SUN3: variants seen among roughly 807,000 people sequenced by gnomAD.
SUN3 encodes SUN domain-containing protein 3.
Under a neutral mutation model 48.2 loss-of-function variants are expected in SUN3, and 36 were observed. The observed-to-expected ratio is 0.75, with a 90% CI of 0.57 to 0.99. SUN3 has a LOEUF of 0.99. SUN3 is among the 50% of genes least tolerant of loss of function. The pLI, the probability that SUN3 is intolerant of heterozygous loss-of-function variation, is 0.00. For synonymous variants in SUN3, 148 were observed against 147.9 expected, an observed-to-expected ratio of 1.00 and a Z score of 0.00; for missense variants, 419 against 433.1, an observed-to-expected ratio of 0.97 and a Z score of 0.29.
At chr7:48,015,223 A>G (rs774637009) in intron 3 of SUN3, among the ~76,000 whole-genome samples, 1 of 152,120 alleles carries the variant, frequency 6.6e-6, no homozygotes, top group Non-Finnish European at 1.5e-5. Context: ...TTCAGCTCCC[A>G]TGGGCTTGGT....
At chr7:47,994,214 C>T (rs900113310) in intron 8 of SUN3, 101 bp downstream of exon 8, 44 of 1,068,684 alleles carry the variant, frequency 4.1e-5, no homozygotes, top group Non-Finnish European at 5.5e-5. Flanking sequence ...AAATAAGTGA[C>T]ACAACTAGTT....
At chr7:48,032,101 T>C (rs938192724), upstream of SUN3, among the ~76,000 whole-genome samples, 1 of 152,152 alleles carries the variant, frequency 6.6e-6, no homozygotes, top group African/African-American at 2.4e-5. Context: ...CAGTGGCTGA[T>C]GGGCAGAGGG....
At chr7:47,990,543 C>T (rs1789027938) in intron 8 of SUN3, among the ~76,000 whole-genome samples, 1 of 150,636 alleles carries the variant, frequency 6.6e-6, no homozygotes, top group African/African-American at 2.5e-5. Context: ...ACTCTTCTTT[C>T]TCTATACTTT....
chr7:48,006,866 T>C (rs907235084), intron 5 of SUN3, among the ~76,000 whole-genome samples: 2 of 152,244 alleles, frequency 1.3e-5, no homozygotes, highest in Non-Finnish European at 2.9e-5. Context: ...TTTAAGGTAT[T>C]TGTGTATAGA....
chr7:48,034,604 T>G, the SUN3 span, among the ~76,000 whole-genome samples: 1 of 152,194 alleles, frequency 6.6e-6, no homozygotes. Context: ...TTGCCAGGGT[T>G]GTATAGGGCT....
At position 48,028,764 on chromosome 7, in the gene SUN3, G is replaced by A. The variant is rs1002145298; in HGVS notation, c.122+53C>T. ...AGATGAACAGACACAAGTGACAGAT[G>A]TAACACATAAAACCTACAATTTCAG... On this transcript the variant is annotated intron_variant, in intron 1 of 9. Coordinates refer to ENST00000297325, the MANE Select transcript of SUN3 (RefSeq NM_001030019.2). 2.1e-5 allele frequency: 33 copies of A among 1,597,622 alleles called. No homozygotes were observed. The South Asian group carries it at 2.6e-4, about 12-fold the overall frequency.
chr7:47,990,242 A>ATC (rs1789016597), intron 8 of SUN3, among the ~76,000 whole-genome samples: 5 of 152,224 alleles, frequency 3.3e-5, no homozygotes, highest in Admixed American at 2.6e-4. Flanking sequence ...GATAGGAGAA[A>ATC]ACCGCCTTAG....
chr7:48,018,960 A>G (rs1381246180), intron 2 of SUN3, among the ~76,000 whole-genome samples: 2 of 152,206 alleles, frequency 1.3e-5, no homozygotes, highest in Non-Finnish European at 2.9e-5. Flanking sequence ...TGTATGGATA[A>G]AATGAGAATA....
intron 7 of SUN3, among the ~76,000 whole-genome samples, chr7:47,994,894 G>T (rs1354364327): frequency 1.3e-5 from 2 of 152,076 alleles, no homozygotes; most frequent in Non-Finnish European, 2.9e-5. Flanking sequence ...TGGTGGTCAT[G>T]GCAATGGTAT....
At chr7:48,034,862 T>C in the SUN3 span, among the ~76,000 whole-genome samples, 1 of 152,330 alleles carries the variant, frequency 6.6e-6, no homozygotes, top group East Asian at 1.9e-4. Context: ...TCTCTCAACT[T>C]ATAAAACAGA....
intron 3 of SUN3, among the ~76,000 whole-genome samples, chr7:48,016,611 G>A (rs896683420): frequency 3.3e-5 from 5 of 152,186 alleles, no homozygotes; most frequent in African/African-American, 1.2e-4. Flanking sequence ...AAAGGGAAGT[G>A]CCATACTCCT....
chr7:48,017,855 T>C (rs1234903334), intron 2 of SUN3, among the ~76,000 whole-genome samples: 1 of 152,206 alleles, frequency 6.6e-6, no homozygotes, highest in Non-Finnish European at 1.5e-5. Context: ...TCCACGCCTA[T>C]AGCTTTCTAG....
At chr7:48,026,062 A>G in intron 1 of SUN3, 124 bp from the exon 2 acceptor site, 1 of 656,752 alleles carries the variant, frequency 1.5e-6, no homozygotes, top group Non-Finnish European at 2.7e-6. Flanking sequence ...ATCTAGGTTG[A>G]GTCTATGAAT....
chr7:48,001,410 C>G (rs112372637), intron 6 of SUN3, among the ~76,000 whole-genome samples: 2,746 of 152,062 alleles, frequency 0.018, 84 homozygotes, highest in African/African-American at 0.063. Context: ...CTGCAAAGGA[C>G]ATGATCTTGT....
intron 2 of SUN3, 88 bp downstream of exon 2, chr7:48,025,789 A>T (rs990913049): frequency 4.2e-5 from 36 of 859,842 alleles, no homozygotes; most frequent in Non-Finnish European, 6.5e-5. Context: ...ATTTATTTAC[A>T]AATATGAGTC....
chr7:48,000,589 C>T (rs1164451815), intron 6 of SUN3, among the ~76,000 whole-genome samples: 2 of 152,168 alleles, frequency 1.3e-5, no homozygotes, highest in Non-Finnish European at 2.9e-5. Context: ...ATCTAAATGT[C>T]TTCATTTTGC....
At chr7:48,035,691 CTG>C in the SUN3 span, 2 of 598,474 alleles carry the variant, frequency 3.3e-6, no homozygotes, top group Non-Finnish European at 6.0e-6. This position sits in a 1 kb window ranked among gnomAD's most constrained non-coding sequence, Gnocchi z 4.0. Context: ...GCCTTGTCCA[CTG>C]TGCGGAGCTC....
chr7:47,990,259 A>T (rs1156273757), intron 8 of SUN3, among the ~76,000 whole-genome samples: 1 of 152,206 alleles, frequency 6.6e-6, no homozygotes, highest in Admixed American at 6.5e-5. Context: ...TTAGGGCTGG[A>T]GGTAAGACAT....
chr7:47,991,106 G>A (rs889293804), intron 8 of SUN3: 3 of 449,164 alleles, frequency 6.7e-6, no homozygotes, highest in Middle Eastern at 6.3e-4. Flanking sequence ...CCAAAAAAAC[G>A]GGGTCTGGCC....
Sources: allele counts gnomAD v4.1 joint callset (sites outside exome capture counted in the v4.1 genomes callset), GRCh38; gene constraint gnomAD v4.1.1; non-coding constraint Gnocchi (gnomAD v3.1); transcripts MANE v1.5; gene names NCBI Gene and HGNC (gene_info 2026-07-23, HGNC 2026-07-21).